Variants in HPRT1 observed in about 807,000 individuals in gnomAD.
The protein encoded by HPRT1 is hypoxanthine-guanine phosphoribosyltransferase.
Under a neutral mutation model 19.0 loss-of-function variants are expected in HPRT1, and 4 were observed. The ratio of observed to expected loss-of-function variants is 0.21; its 90% confidence interval spans 0.10 to 0.48. The LOEUF (loss-of-function observed/expected upper bound fraction) is 0.48. Ranked by LOEUF, HPRT1 falls within the 20% of genes least tolerant of loss-of-function variation. The pLI is 0.98. For synonymous variants in HPRT1, 53 were observed against 54.9 expected, an observed-to-expected ratio of 0.97 and a Z score of 0.15; for missense variants, 65 against 164.0, an observed-to-expected ratio of 0.40 and a Z score of 3.30.
intron 3 of HPRT1, among the ~76,000 whole-genome samples, chrX:134,480,364 C>G (rs2077635950): frequency 9.0e-6 from 1 of 110,972 alleles, no homozygotes; most frequent in Non-Finnish European, 1.9e-5. Flanking sequence ...GTTTTGCAAG[C>G]AGACAGAATT....
At chrX:134,489,620 C>A (rs1473685979) in intron 4 of HPRT1, among the ~76,000 whole-genome samples, 1 of 111,476 alleles carries the variant, frequency 9.0e-6, no homozygotes, top group Non-Finnish European at 1.9e-5. Flanking sequence ...ACTCTTCCAG[C>A]TATAAAATTC....
At chrX:134,460,427 G>C in intron 1 of HPRT1, 89 bp downstream of exon 1, 1 of 789,997 alleles carries the variant, frequency 1.3e-6, no homozygotes, top group Non-Finnish European at 1.6e-6. Context: ...CGCAGTGCGG[G>C]CTCGGGCGGC....
chrX:134,477,617 C>G (rs1207988682), intron 3 of HPRT1, among the ~76,000 whole-genome samples: 1 of 110,817 alleles, frequency 9.0e-6, no homozygotes, highest in Non-Finnish European at 1.9e-5. Flanking sequence ...TCGAGACCAG[C>G]CTGGGCAACA....
intron 3 of HPRT1, among the ~76,000 whole-genome samples, chrX:134,483,709 G>A (rs371875709): frequency 2.1e-4 from 24 of 111,680 alleles, no homozygotes; most frequent in Non-Finnish European, 4.1e-4. Flanking sequence ...AGGGAGGTTC[G>A]CGCAGTTCCT....
intron 3 of HPRT1, among the ~76,000 whole-genome samples, chrX:134,481,051 C>G (rs948832970): frequency 9.1e-6 from 1 of 109,859 alleles, no homozygotes; most frequent in Non-Finnish European, 1.9e-5. Context: ...TAAAAGATTA[C>G]TGCAGTGAAG....
At chrX:134,471,787 C>G (rs6634992) in intron 1 of HPRT1, among the ~76,000 whole-genome samples, 8,835 of 110,059 alleles carry the variant, frequency 0.08, 368 homozygotes, top group East Asian at 0.21. Context: ...ACTACAGGCG[C>G]GTGCCACATG....
intron 1 of HPRT1, among the ~76,000 whole-genome samples, chrX:134,470,178 A>G (rs1001668941): frequency 3.6e-5 from 4 of 112,199 alleles, no homozygotes; most frequent in African/African-American, 9.7e-5. Flanking sequence ...GTATAGCACT[A>G]TGCCTCCACC....
At chrX:134,491,517 C>A (rs1241120381) in intron 5 of HPRT1, among the ~76,000 whole-genome samples, 1 of 110,797 alleles carries the variant, frequency 9.0e-6, no homozygotes, top group African/African-American at 3.3e-5. Flanking sequence ...AAGTTGGATA[C>A]CATCTGAATT....
intron 3 of HPRT1, among the ~76,000 whole-genome samples, chrX:134,478,055 C>T (rs17882614): frequency 0.018 from 1,992 of 111,826 alleles, 24 homozygotes; most frequent in Non-Finnish European, 0.027. Context: ...AAACATTAGG[C>T]AGCTTAATTT....
intron 3 of HPRT1, among the ~76,000 whole-genome samples, chrX:134,484,837 A>G (rs1192216898): frequency 1.8e-5 from 2 of 111,420 alleles, no homozygotes; most frequent in Non-Finnish European, 3.8e-5. Context: ...GTGAACATTT[A>G]TTTTTTAAAT....
rs755667656 is a variant in HPRT1 at position 134,486,447 on chromosome X, T to G, written c.319-18T>G. The G allele has an allele frequency of 3.0e-5, 29 of 960,344 alleles. No homozygotes were observed. Among genetic ancestry groups the G allele is most frequent in the Middle Eastern group, 7.5e-4 (2 of 2,658 alleles). The allele number at this position is 960,344 out of a possible 1,213,427, so 79.1% of individuals were successfully genotyped here. Reference sequence around the variant, plus strand: ...TGTGTAGATATATATATATATAGTTTTTTTTTTTTTTAACTAGAATGACCA... The same window carrying G: ...TGTGTAGATATATATATATATAGTTGTTTTTTTTTTTAACTAGAATGACCA... On this transcript the variant is annotated intron_variant, in intron 3 of 8. Coordinates refer to ENST00000298556, the MANE Select transcript of HPRT1 (RefSeq NM_000194.3).
At chrX:134,484,971 T>C (rs1005163722) in intron 3 of HPRT1, among the ~76,000 whole-genome samples, 1 of 111,931 alleles carries the variant, frequency 8.9e-6, no homozygotes, top group Non-Finnish European at 1.9e-5. Context: ...CCCGGCCCAG[T>C]GAACACTCTT....
intron 1 of HPRT1, among the ~76,000 whole-genome samples, chrX:134,471,734 G>C (rs1244406434): frequency 1.8e-5 from 2 of 110,303 alleles, no homozygotes; most frequent in Non-Finnish European, 3.8e-5. Flanking sequence ...TCCACCTCCC[G>C]GGCTCAGGTG....
In HPRT1 at chrX:134,460,180, C is replaced by A; in HGVS notation, c.-132C>A. On this transcript the variant is annotated 5_prime_UTR_variant, in exon 1 of 9. Coordinates refer to ENST00000298556, the MANE Select transcript of HPRT1 (RefSeq NM_000194.3). Reference sequence around the variant, plus strand: ...GCTTCTCCTCAGCTTCAGGCGGCTGCGACGAGCCCTCAGGCGAACCTCTCG... The same window carrying A: ...GCTTCTCCTCAGCTTCAGGCGGCTGAGACGAGCCCTCAGGCGAACCTCTCG... 3.0e-6 allele frequency: 2 copies of A among 664,598 alleles called. No homozygotes were observed. Among genetic ancestry groups the A allele is most frequent in the East Asian group, 4.9e-5 (1 of 20,430 alleles). 54.8% of individuals were successfully genotyped at this position (664,598 alleles called of 1,213,427 possible). A position where few individuals can be genotyped will look rare whatever the true frequency, so the allele number is the denominator to read the frequency against.
Position 134,493,546 on chromosome X carries a change from T to C in HPRT1, c.441T>C (p.Leu147=), listed in dbSNP as rs746094095. Reference sequence around the variant, plus strand: ...CTGGCAAAACAATGCAGACTTTGCTTTCCTTGGTCAGGCAGTATAATCCAA... The same window carrying C: ...CTGGCAAAACAATGCAGACTTTGCTCTCCTTGGTCAGGCAGTATAATCCAA... ...IDTGKTMQTL[L]SLVRQYNPKM... is the part of the protein sequence containing the mutation. Residue 147 remains leucine, a synonymous_variant, in exon 6 of 9, where the codon CTT becomes CTC. Coordinates refer to ENST00000298556, the MANE Select transcript of HPRT1 (RefSeq NM_000194.3). The C allele has an allele frequency of 1.7e-6, 2 of 1,208,515 alleles. No homozygotes were observed. Among genetic ancestry groups the C allele is most frequent in the East Asian group, 5.9e-5 (2 of 33,843 alleles).
At chrX:134,469,602 C>G (rs1373163748) in intron 1 of HPRT1, among the ~76,000 whole-genome samples, 1 of 111,751 alleles carries the variant, frequency 8.9e-6, no homozygotes, top group Non-Finnish European at 1.9e-5. Flanking sequence ...AACCTGTAGC[C>G]AGGCACTGAA....
At position 134,496,816 on chromosome X, in the gene HPRT1, G is replaced by A. The variant is rs141642002; in HGVS notation, c.486-1574G>A. Among the ~76,000 whole-genome samples, 689 of 111,867 alleles carry A rather than the reference G, an allele frequency of 6.2e-3. 3 individuals carry two copies. Among genetic ancestry groups the A allele is most frequent in the African/African-American group, 0.021 (655 of 30,786 alleles). Reference sequence around the variant, plus strand: ...ATGTAATTGGTCAGGGCTGTGGCCCGAGTAGGTGAGTTCTGGTTTTTTAAA... The same window carrying A: ...ATGTAATTGGTCAGGGCTGTGGCCCAAGTAGGTGAGTTCTGGTTTTTTAAA... On this transcript the variant is annotated intron_variant, in intron 6 of 8. Coordinates refer to ENST00000298556, the MANE Select transcript of HPRT1 (RefSeq NM_000194.3).
At chrX:134,481,921 C>T (rs751297525) in intron 3 of HPRT1, among the ~76,000 whole-genome samples, 8 of 112,188 alleles carry the variant, frequency 7.1e-5, no homozygotes, top group Non-Finnish European at 1.3e-4. Flanking sequence ...CTGTTGCACA[C>T]GTTTATTTTA....
chrX:134,471,479 T>C (rs1239094006), intron 1 of HPRT1, among the ~76,000 whole-genome samples: 1 of 111,552 alleles, frequency 9.0e-6, no homozygotes, highest in Non-Finnish European at 1.9e-5. Context: ...GTATCTTTTA[T>C]GATGACACTT....
Sources: allele counts gnomAD v4.1 joint callset (sites outside exome capture counted in the v4.1 genomes callset), GRCh38; gene constraint gnomAD v4.1.1; transcripts MANE v1.5; gene names NCBI Gene and HGNC (gene_info 2026-07-23, HGNC 2026-07-21).